The following PTPRD variants were observed in gnomAD, a reference collection of about 807,000 sequenced individuals.
The protein encoded by PTPRD is receptor-type tyrosine-protein phosphatase delta.
A neutral mutation model predicts 214.5 loss-of-function variants in PTPRD; 34 were observed. That is an observed-to-expected ratio of 0.16 (90% CI 0.12 to 0.21). The LOEUF (loss-of-function observed/expected upper bound fraction) is 0.21, where lower values mean the gene tolerates loss of function less well. Ranked by LOEUF, PTPRD falls within the 10% of genes least tolerant of loss-of-function variation. PTPRD has a pLI of 1.00. For missense variants in PTPRD, 2,545 were observed against 2,398.7 expected, an observed-to-expected ratio of 1.06 and a Z score of -1.27; for synonymous variants, 1,128 against 845.7, an observed-to-expected ratio of 1.33 and a Z score of -5.79.
chr9:8,925,516 AAAAC>A (rs201018147), intron 11 of PTPRD, among the ~76,000 whole-genome samples: 8 of 136,482 alleles, frequency 5.9e-5, no homozygotes, highest in African/African-American at 1.2e-4. Context: ...CAAAACAAAG[AAAAC>A]AAACAAAAAA....
At chr9:10,056,310 G>C (rs927398252) in intron 3 of PTPRD, among the ~76,000 whole-genome samples, 2 of 142,944 alleles carry the variant, frequency 1.4e-5, no homozygotes, top group Non-Finnish European at 3.0e-5. Context: ...GACAGAGAGA[G>C]ACTCCATCTC....
At chr9:8,920,334 C>A (rs748188192) in intron 11 of PTPRD, among the ~76,000 whole-genome samples, 14 of 150,562 alleles carry the variant, frequency 9.3e-5, no homozygotes, top group Non-Finnish European at 1.9e-4. Flanking sequence ...GAGTGAGACT[C>A]CAAAAAAAAA....
chr9:8,836,127 T>C (rs2097416572), intron 11 of PTPRD, among the ~76,000 whole-genome samples: 1 of 152,198 alleles, frequency 6.6e-6, no homozygotes, highest in South Asian at 2.1e-4. Context: ...TTTTATGTGC[T>C]GCTGTATGCT....
rs75223655 is a variant in PTPRD, at chr9:8,982,589, A to G, written c.-104+36108T>C. On this transcript the variant is annotated intron_variant, in intron 11 of 45. Transcript: ENST00000381196. ...AATATGACCTAAAGGGAAAGGACAG[A>G]AAAAAAAATAAAAAACTCCACAATC... 5.0e-5 allele frequency among the ~76,000 whole-genome samples: 7 copies of G among 139,302 alleles called. No individual in the cohort carries two copies. In the South Asian group the frequency reaches 1.4e-3, roughly 27 times the overall value. The allele number at this position is 139,302 out of a possible 152,430, so 91.4% of individuals were successfully genotyped here.
intron 2 of PTPRD, among the ~76,000 whole-genome samples, chr9:10,439,882 T>C (rs2154523015): frequency 6.6e-6 from 1 of 151,852 alleles, no homozygotes; most frequent in African/African-American, 2.4e-5. Context: ...CTGTTTATTT[T>C]TAATCTTCCC....
chr9:10,261,132 C>T (rs896574146), intron 3 of PTPRD, among the ~76,000 whole-genome samples: 6 of 149,092 alleles, frequency 4.0e-5, no homozygotes, highest in African/African-American at 1.5e-4. Flanking sequence ...AACTACAAGC[C>T]TTTGTTATTT....
intron 3 of PTPRD, among the ~76,000 whole-genome samples, chr9:10,042,668 T>C (rs1431628610): frequency 6.6e-6 from 1 of 151,656 alleles, no homozygotes; most frequent in Non-Finnish European, 1.5e-5. Flanking sequence ...ACTGAGAAAA[T>C]TGGAGGACCA....
intron 14 of PTPRD, among the ~76,000 whole-genome samples, chr9:8,572,079 C>T (rs75147134): frequency 4.8e-4 from 73 of 151,882 alleles, no homozygotes; most frequent in Non-Finnish European, 9.4e-4. Flanking sequence ...CATTTTTTCA[C>T]GTAATTTAGA....
chr9:8,963,877 G>A (rs1251010507), intron 11 of PTPRD, among the ~76,000 whole-genome samples: 1 of 152,080 alleles, frequency 6.6e-6, no homozygotes, highest in Non-Finnish European at 1.5e-5. Context: ...GTCTTCCAAA[G>A]TGCTAGGATT....
At chr9:9,486,087 G>A (rs930208690) in intron 8 of PTPRD, among the ~76,000 whole-genome samples, 4 of 141,930 alleles carry the variant, frequency 2.8e-5, no homozygotes, top group Non-Finnish European at 6.1e-5. Flanking sequence ...GGAGGTGGAT[G>A]TTGTGGTGAG....
chr9:9,331,640 TCA>T (rs1389298842), intron 9 of PTPRD, among the ~76,000 whole-genome samples: 1 of 152,078 alleles, frequency 6.6e-6, no homozygotes, highest in African/African-American at 2.4e-5. Flanking sequence ...GCTAAGATTC[TCA>T]GAGTGTACCA....
intron 4 of PTPRD, among the ~76,000 whole-genome samples, chr9:9,976,806 TAGAC>T (rs775089469): frequency 2.0e-5 from 3 of 151,874 alleles, no homozygotes; most frequent in Admixed American, 1.3e-4. Context: ...TCTGTCTTCT[TAGAC>T]AGTTCACTCC....
At chr9:10,510,392 T>C (rs1366054737) in intron 2 of PTPRD, among the ~76,000 whole-genome samples, 3 of 152,146 alleles carry the variant, frequency 2.0e-5, no homozygotes, top group African/African-American at 4.8e-5. Flanking sequence ...CTGTCACATA[T>C]AGAACAGTTC....
intron 12 of PTPRD, among the ~76,000 whole-genome samples, chr9:8,644,182 G>T (rs550413697): frequency 2.0e-5 from 3 of 152,010 alleles, no homozygotes; most frequent in Non-Finnish European, 2.9e-5. Flanking sequence ...TCTCTGATGA[G>T]AACTGAGGAC....
chr9:9,795,845 G>C (rs189620376), intron 5 of PTPRD, among the ~76,000 whole-genome samples: 2 of 151,598 alleles, frequency 1.3e-5, no homozygotes, highest in African/African-American at 4.8e-5. Context: ...CTAAACAGTA[G>C]GTAAAATTGC....
At chr9:8,959,699 A>T (rs1441791519) in intron 11 of PTPRD, among the ~76,000 whole-genome samples, 5 of 152,080 alleles carry the variant, frequency 3.3e-5, no homozygotes, top group African/African-American at 9.7e-5. Context: ...AGAATCATTG[A>T]GTATATCCTT....
intron 10 of PTPRD, among the ~76,000 whole-genome samples, chr9:9,088,111 A>G (rs1269675873): frequency 6.6e-6 from 1 of 151,072 alleles, no homozygotes; most frequent in African/African-American, 2.4e-5. Flanking sequence ...TGAACTCCTG[A>G]CCTGAAGTGA....
chr9:9,491,103 A>G (rs1385714068), intron 8 of PTPRD, among the ~76,000 whole-genome samples: 1 of 151,954 alleles, frequency 6.6e-6, no homozygotes, highest in Non-Finnish European at 1.5e-5. Context: ...AAGGATGGAA[A>G]AAAACATTTC....
At chr9:9,911,439 G>T (rs1289745219) in intron 5 of PTPRD, among the ~76,000 whole-genome samples, 1 of 151,996 alleles carries the variant, frequency 6.6e-6, no homozygotes, top group Non-Finnish European at 1.5e-5. Context: ...AAATACACAC[G>T]AACCTCATGT....
Sources: gnomAD v4.1 joint callset for allele counts (sites outside exome capture counted in the v4.1 genomes callset) on GRCh38, gnomAD v4.1.1 for gene constraint, MANE v1.5 for transcripts, NCBI Gene and HGNC (gene_info 2026-07-23, HGNC 2026-07-21) for gene names.